Variants in UNC5D observed in about 807,000 individuals in gnomAD.
UNC5D encodes unc-5 netrin receptor D.
Under a neutral mutation model 105.4 loss-of-function variants are expected in UNC5D, and 39 were observed. That is an observed-to-expected ratio of 0.37 (90% CI 0.29 to 0.48). The LOEUF (loss-of-function observed/expected upper bound fraction) is 0.48, where lower values mean the gene tolerates loss of function less well. Among genes scored for constraint, UNC5D ranks in the 20% least tolerant of loss-of-function variants. The pLI is 0.98. For missense variants in UNC5D, 991 were observed against 1,202.4 expected (o/e 0.82, Z 2.60); for synonymous variants, 452 against 450.4 (o/e 1.00, Z -0.04).
chr8:35,479,696 C>A (rs1810349472), intron 1 of UNC5D, among the ~76,000 whole-genome samples: 1 of 152,044 alleles, frequency 6.6e-6, no homozygotes, highest in Non-Finnish European at 1.5e-5. Context: ...GAATAGAAAA[C>A]AAAATACCAT....
rs190545543 is a variant in UNC5D at position 35,721,546 on chromosome 8, T to C, written c.1118-664T>C. ...AAATTATTAGAGTCTAGCATTTAAT[T>C]GGTGTCAGAAAACATCTGCCATGGA... On this transcript the variant is annotated intron_variant, in intron 8 of 16. Coordinates refer to ENST00000404895, the MANE Select transcript of UNC5D (RefSeq NM_080872.4). The C allele has an allele frequency of 2.4e-5, 17 of 702,468 alleles. No individual in the cohort carries two copies. The East Asian group carries it at 4.0e-4, about 17-fold the overall frequency. 43.5% of individuals were successfully genotyped at this position (702,468 alleles called of 1,614,324 possible). A position where few individuals can be genotyped will look rare whatever the true frequency, so the allele number is the denominator to read the frequency against.
chr8:35,726,432 C>T lies in UNC5D; in HGVS notation c.1584C>T (p.Pro528=). 6.2e-7 allele frequency: 1 copy of T among 1,614,138 alleles called. No homozygotes were observed. Among genetic ancestry groups the T allele is most frequent in the Non-Finnish European group, 8.5e-7 (1 of 1,180,026 alleles). ...CAATGCATCCCAGAAATAAAATGCC[C>T]TACATCCAAAATCTGTCATCACTCC... The part of the protein sequence containing the change: ...FSTMHPRNKM[P]YIQNLSSLPT... Residue 528 remains proline (P), a synonymous_variant, in exon 10 of 17, where the codon CCC becomes CCT. Coordinates refer to ENST00000404895, the MANE Select transcript of UNC5D (RefSeq NM_080872.4).
At chr8:35,500,564 A>T (rs1935422934) in intron 1 of UNC5D, among the ~76,000 whole-genome samples, 1 of 152,230 alleles carries the variant, frequency 6.6e-6, no homozygotes, top group Non-Finnish European at 1.5e-5. Context: ...CTGTGGAAGT[A>T]ATCCCTGACA....
intron 1 of UNC5D, among the ~76,000 whole-genome samples, chr8:35,380,668 G>C (rs1223170005): frequency 1.3e-5 from 2 of 151,998 alleles, no homozygotes; most frequent in African/African-American, 2.4e-5. Context: ...TTTGAACCTG[G>C]TCTCTTCAAG....
intron 1 of UNC5D, among the ~76,000 whole-genome samples, chr8:35,530,840 G>A (rs1350427263): frequency 3.4e-5 from 5 of 146,176 alleles, no homozygotes; most frequent in Non-Finnish European, 4.5e-5. Context: ...GCATAGAGGT[G>A]TTTGTAATAT....
intron 1 of UNC5D, among the ~76,000 whole-genome samples, chr8:35,339,402 A>AT (rs1241626009): frequency 6.6e-6 from 1 of 152,222 alleles, no homozygotes; most frequent in Non-Finnish European, 1.5e-5. Flanking sequence ...AAAATGTAAA[A>AT]TGTAGTGGGA....
At chr8:35,338,251 G>A (rs142479005) in intron 1 of UNC5D, among the ~76,000 whole-genome samples, 8 of 152,206 alleles carry the variant, frequency 5.3e-5, no homozygotes, top group African/African-American at 1.9e-4. Flanking sequence ...TCTCTACAGG[G>A]AAGTTTGTTG....
At chr8:35,627,268 A>T (rs1349608101) in intron 4 of UNC5D, among the ~76,000 whole-genome samples, 2 of 152,188 alleles carry the variant, frequency 1.3e-5, no homozygotes, top group African/African-American at 4.8e-5. Context: ...TTTAAGGTAG[A>T]GTTCCAACTT....
In UNC5D at chr8:35,558,250, C is replaced by T. The variant is rs544297313; in HGVS notation, c.322+8740C>T. Among the ~76,000 whole-genome samples the T allele has an allele frequency of 9.2e-5, 14 of 151,826 alleles. 1 individual carries two copies. The highest frequency in any genetic ancestry group is 5.3e-4 in the Admixed American group (8 of 15,236). ...CAGAGTGACAGACACATACAGGGTG[C>T]TCAATAATTGTCTTTCCAGCAAAAC... On this transcript the variant is annotated intron_variant, in intron 2 of 16. Transcript: ENST00000404895.
At chr8:35,469,448 T>A (rs1809552420) in intron 1 of UNC5D, among the ~76,000 whole-genome samples, 1 of 152,176 alleles carries the variant, frequency 6.6e-6, no homozygotes, top group Non-Finnish European at 1.5e-5. Context: ...GCCCATAGAT[T>A]ACCAAAAACA....
intron 4 of UNC5D, among the ~76,000 whole-genome samples, chr8:35,671,651 T>C (rs1824813261): frequency 6.6e-6 from 1 of 152,150 alleles, no homozygotes; most frequent in Admixed American, 6.5e-5. Flanking sequence ...GAGTTTGAAT[T>C]TGGTTGTTTT....
chr8:35,375,904 C>T (rs1479210783), intron 1 of UNC5D, among the ~76,000 whole-genome samples: 3 of 152,154 alleles, frequency 2.0e-5, no homozygotes, highest in Non-Finnish European at 2.9e-5. Context: ...ATATGATTTT[C>T]AATATGAAAA....
intron 16 of UNC5D, among the ~76,000 whole-genome samples, chr8:35,776,876 AG>A (rs1802271091): frequency 6.6e-6 from 1 of 152,186 alleles, no homozygotes; most frequent in Non-Finnish European, 1.5e-5. Flanking sequence ...TAGGAGGCCA[AG>A]GTGGAAGTGT....
At chr8:35,403,437 G>A (rs1804600814) in intron 1 of UNC5D, among the ~76,000 whole-genome samples, 1 of 152,202 alleles carries the variant, frequency 6.6e-6, no homozygotes, top group Non-Finnish European at 1.5e-5. Context: ...ACTGAGCTAG[G>A]CACTGAGGAC....
chr8:35,306,527 A>C (rs758593449), intron 1 of UNC5D, among the ~76,000 whole-genome samples: 1 of 152,124 alleles, frequency 6.6e-6, no homozygotes, highest in Non-Finnish European at 1.5e-5. Flanking sequence ...AGAGCAGTCT[A>C]TACTGCCTAA....
At chr8:35,742,708 G>A (rs1829820950) in intron 11 of UNC5D, among the ~76,000 whole-genome samples, 1 of 152,176 alleles carries the variant, frequency 6.6e-6, no homozygotes. Context: ...CCTAGCAGCA[G>A]GTCAAGGAGT....
At chr8:35,378,076 C>T (rs768133811) in intron 1 of UNC5D, among the ~76,000 whole-genome samples, 5 of 152,016 alleles carry the variant, frequency 3.3e-5, no homozygotes, top group Non-Finnish European at 7.4e-5. Context: ...ACTCACATGC[C>T]GTCACTCTAT....
chr8:35,468,664 C>G (rs1447535104), intron 1 of UNC5D, among the ~76,000 whole-genome samples: 1 of 152,182 alleles, frequency 6.6e-6, no homozygotes, highest in Non-Finnish European at 1.5e-5. Flanking sequence ...GGAATGGTTT[C>G]CAGCACTAAC....
chr8:35,303,627 A>T (rs1402836718), intron 1 of UNC5D, among the ~76,000 whole-genome samples: 2 of 152,190 alleles, frequency 1.3e-5, no homozygotes, highest in Admixed American at 6.6e-5. Context: ...GAGTTTACTT[A>T]GTTGGATACA....
Sources: gnomAD v4.1 joint callset for allele counts (sites outside exome capture counted in the v4.1 genomes callset) on GRCh38, gnomAD v4.1.1 for gene constraint, MANE v1.5 for transcripts, NCBI Gene and HGNC (gene_info 2026-07-23, HGNC 2026-07-21) for gene names.